SIPA1L3: variants seen among roughly 807,000 people sequenced by gnomAD.
SIPA1L3 encodes the protein signal-induced proliferation-associated 1-like protein 3.
A neutral mutation model predicts 150.1 loss-of-function variants in SIPA1L3; 59 were observed. That is an observed-to-expected ratio of 0.39 (90% CI 0.32 to 0.49). The LOEUF (loss-of-function observed/expected upper bound fraction) is 0.49. SIPA1L3 is among the 20% of genes least tolerant of loss of function. The probability of loss-of-function intolerance (pLI) is 0.86; values close to 1 mark genes in which losing one functional copy is unlikely to be tolerated. For synonymous variants in SIPA1L3, 1,070 were observed against 1,077.6 expected, an observed-to-expected ratio of 0.99 and a Z score of 0.14; for missense variants, 2,211 against 2,489.5, an observed-to-expected ratio of 0.89 and a Z score of 2.38.
intron 2 of SIPA1L3, among the ~76,000 whole-genome samples, chr19:38,041,905 T>C (rs950546440): frequency 1.3e-5 from 2 of 152,230 alleles, no homozygotes; most frequent in African/African-American, 2.4e-5. Flanking sequence ...GTTATTTTTT[T>C]CTAATATTGA....
Position 38,164,243 on chromosome 19 carries a change from T to C in SIPA1L3, c.3781-236T>C, listed in dbSNP as rs886502629. 6.6e-6 allele frequency among the ~76,000 whole-genome samples: 1 copy of C among 152,100 alleles called. No homozygotes were observed. Among genetic ancestry groups the C allele is most frequent in the Non-Finnish European group, 1.5e-5 (1 of 68,002 alleles). ...CATGTTCTGTGCCTGATGTCATTTG[T>C]TCCTCTGAGCAGCCCCATGAGGCAG... is the stretch of plus-strand genomic sequence containing the variant. On this transcript the variant is annotated intron_variant, in intron 14 of 21. Coordinates refer to ENST00000222345, the MANE Select transcript of SIPA1L3 (RefSeq NM_015073.3). This position sits in a 1 kb window ranked among gnomAD's most constrained non-coding sequence, Gnocchi z 4.1.
At position 38,076,431 on chromosome 19, in the gene SIPA1L3, C is replaced by T. The variant is rs147164977; in HGVS notation, c.-310-4825C>T. On this transcript the variant is annotated intron_variant, in intron 2 of 21. Transcript: ENST00000222345. ...ACACTGCACTACCGTCATAGTTTCG[C>T]GACCACCTCCTGTTGCTACTGCGGT... Among the ~76,000 whole-genome samples, 655 of 152,236 alleles carry T rather than the reference C, an allele frequency of 4.3e-3. 1 individual carries two copies. Among genetic ancestry groups the T allele is most frequent in the African/African-American group, 0.015 (624 of 41,546 alleles).
chr19:38,128,123 C>T (rs926092658), intron 9 of SIPA1L3, among the ~76,000 whole-genome samples: 3 of 137,206 alleles, frequency 2.2e-5, no homozygotes, highest in South Asian at 2.5e-4. Flanking sequence ...AGCGTGATCT[C>T]GGCTCACTGC....
intron 1 of SIPA1L3, among the ~76,000 whole-genome samples, chr19:37,987,649 T>A (rs112746910): frequency 0.024 from 3,585 of 152,336 alleles, 136 homozygotes; most frequent in African/African-American, 0.079. Context: ...TCGCACCCTC[T>A]AATTTCACCA....
chr19:38,070,222 A>ATCTATCTATCTATCTATCTG (rs1969687059), intron 2 of SIPA1L3, among the ~76,000 whole-genome samples: 1 of 139,098 alleles, frequency 7.2e-6, no homozygotes, highest in African/African-American at 2.7e-5. Context: ...CTATCTATCT[A>ATCTATCTATCTATCTATCTG]TTTTTGAGAC....
rs1568607526 is a variant in SIPA1L3 at position 38,198,657 on chromosome 19, A to C, written c.4984+125A>C. 12 of 989,150 alleles carry C rather than the reference A, an allele frequency of 1.2e-5. No homozygotes were observed. The East Asian group carries it at 3.8e-4, about 31-fold the overall frequency. 61.3% of individuals were successfully genotyped at this position (989,150 alleles called of 1,614,324 possible). A position where few individuals can be genotyped will look rare whatever the true frequency, so the allele number is the denominator to read the frequency against. On this transcript the variant is annotated intron_variant, in intron 19 of 21. Transcript: ENST00000222345. The stretch of plus-strand genomic sequence containing the variant: ...GTTCCAGAATCAGGGAGCAGGGTTC[A>C]AGTCCTGCCCCGTCACTTGCTTACC...
chr19:38,149,598 G>GC (rs1185799672), intron 12 of SIPA1L3, among the ~76,000 whole-genome samples: 3 of 152,118 alleles, frequency 2.0e-5, no homozygotes, highest in Non-Finnish European at 4.4e-5. Flanking sequence ...GGGAAACCAG[G>GC]CCCCCCCTCC....
chr19:38,012,892 T>A (rs1968137724), intron 1 of SIPA1L3, among the ~76,000 whole-genome samples: 2 of 152,106 alleles, frequency 1.3e-5, no homozygotes. Context: ...AGGCCTCTTG[T>A]TTGTATGAAC....
chr19:37,988,860 AG>A (rs1325274347), intron 1 of SIPA1L3, among the ~76,000 whole-genome samples: 2 of 151,972 alleles, frequency 1.3e-5, no homozygotes, highest in Non-Finnish European at 2.9e-5. Context: ...TTCGCTCTCC[AG>A]GATCTCTGCG....
intron 1 of SIPA1L3, among the ~76,000 whole-genome samples, chr19:38,003,423 GA>G (rs1967860289): frequency 6.6e-6 from 1 of 152,198 alleles, no homozygotes; most frequent in South Asian, 2.1e-4. Context: ...GGTGCAAATG[GA>G]AAACGTGAAT....
chr19:38,025,017 G>T (rs1599920883), intron 1 of SIPA1L3, among the ~76,000 whole-genome samples: 1 of 151,890 alleles, frequency 6.6e-6, no homozygotes, highest in Non-Finnish European at 1.5e-5. Context: ...CTTAATTCTC[G>T]GCCCCTTCCT....
chr19:38,085,542 A>AATGT lies in SIPA1L3; in HGVS notation c.1534+2444_1534+2447dup, dbSNP rs545609512. Among the ~76,000 whole-genome samples the AATGT allele has an allele frequency of 8.0e-4, 122 of 152,208 alleles. 3 individuals are homozygous for AATGT. In the East Asian group the frequency reaches 0.018, roughly 22 times the overall value. Reference sequence around the variant, plus strand: ...CTTACAAGGAAAAAGCCAATGAGGCAATGTCAGTATCACATGAAATAGATG... The same window carrying AATGT: ...CTTACAAGGAAAAAGCCAATGAGGCAATGTATGTCAGTATCACATGAAATAGATG... On this transcript the variant is annotated intron_variant, in intron 3 of 21. Coordinates refer to ENST00000222345, the MANE Select transcript of SIPA1L3 (RefSeq NM_015073.3).
intron 1 of SIPA1L3, among the ~76,000 whole-genome samples, chr19:37,950,076 C>CA (rs35506284): frequency 0.36 from 19,923 of 54,922 alleles, 3,765 homozygotes; most frequent in East Asian, 0.71. Context: ...GACTGTGTCT[C>CA]AAAAAAAAAA....
At chr19:38,112,002 C>G (rs1242803707) in intron 8 of SIPA1L3, among the ~76,000 whole-genome samples, 1 of 150,412 alleles carries the variant, frequency 6.6e-6, no homozygotes, top group African/African-American at 2.5e-5. Context: ...CACCTGCACA[C>G]AGGCACACAC....
intron 1 of SIPA1L3, among the ~76,000 whole-genome samples, chr19:37,931,753 C>CAAAAT (rs1198004032): frequency 1.3e-5 from 2 of 151,912 alleles, no homozygotes; most frequent in African/African-American, 2.4e-5. Context: ...GACTCTGTCT[C>CAAAAT]AAAATAAAAT....
At chr19:38,193,499 T>G in intron 17 of SIPA1L3, 38 bp from the exon 18 acceptor site, 2 of 1,430,472 alleles carry the variant, frequency 1.4e-6, no homozygotes, top group Non-Finnish European at 1.8e-6. Context: ...TATGAGCCAG[T>G]CTGTGACCTC....
rs1203993793 is a variant in SIPA1L3, at chr19:38,164,706, GC to G, written c.4013del (p.Pro1338LeufsTer155). The G allele has an allele frequency of 7.4e-6, 12 of 1,614,004 alleles. No individual in the cohort carries two copies. Among genetic ancestry groups the G allele is most frequent in the Non-Finnish European group, 8.5e-7 (1 of 1,180,010 alleles). ...CTCCACGGCCCGCCAAGCCACACAA[GC>G]CCCCTGGAAGTATGGGCCTTTGTGG... ...KAPRPAKPHK[P>X]PGSMGLCGGG... On this transcript the variant is annotated frameshift_variant, in exon 15 of 22. Transcript: ENST00000222345. LOFTEE classifies it high-confidence loss of function. This position sits in a 1 kb window ranked among gnomAD's most constrained non-coding sequence, Gnocchi z 4.1.
intron 7 of SIPA1L3, 116 bp downstream of exon 7, chr19:38,106,756 C>CT (rs1970632399): frequency 2.9e-6 from 2 of 697,802 alleles, no homozygotes; most frequent in East Asian, 5.3e-5. Flanking sequence ...TGGAGGCCAT[C>CT]TTTACTATGG....
intron 2 of SIPA1L3, among the ~76,000 whole-genome samples, chr19:38,074,082 C>T (rs938818986): frequency 4.6e-5 from 7 of 152,200 alleles, no homozygotes; most frequent in Non-Finnish European, 8.8e-5. Flanking sequence ...GGGGGTTCCC[C>T]ATCGGGAAGG....
Sources: allele counts gnomAD v4.1 joint callset (sites outside exome capture counted in the v4.1 genomes callset), GRCh38; gene constraint gnomAD v4.1.1; non-coding constraint Gnocchi (gnomAD v3.1); transcripts MANE v1.5; gene names NCBI Gene and HGNC (gene_info 2026-07-23, HGNC 2026-07-21).